MARCHF1: variants seen among roughly 807,000 people sequenced by gnomAD.
MARCHF1 encodes the protein membrane associated ring-CH-type finger 1, also known as E3 ubiquitin-protein ligase MARCHF1.
Under a neutral mutation model 54.2 loss-of-function variants are expected in MARCHF1, and 40 were observed. That is an observed-to-expected ratio of 0.74 (90% CI 0.57 to 0.96). MARCHF1 has a LOEUF of 0.96. MARCHF1 is among the 40% of genes least tolerant of loss of function. MARCHF1 has a pLI of 0.00. For missense variants in MARCHF1, 586 were observed against 656.5 expected, an observed-to-expected ratio of 0.89 and a Z score of 1.17; for synonymous variants, 236 against 236.3, an observed-to-expected ratio of 1.00 and a Z score of 0.01.
At chr4:164,237,873 C>A (rs527473559) in intron 1 of MARCHF1, among the ~76,000 whole-genome samples, 27 of 151,904 alleles carry the variant, frequency 1.8e-4, no homozygotes, top group African/African-American at 6.5e-4. Flanking sequence ...AACCTACTAT[C>A]TGTATTAACA....
intron 8 of MARCHF1, among the ~76,000 whole-genome samples, chr4:163,556,549 TTGA>T (rs1440908247): frequency 3.9e-5 from 5 of 126,594 alleles, no homozygotes; most frequent in African/African-American, 1.0e-4. Flanking sequence ...TGTAATTGAG[TTGA>T]TTTTTTTTTT....
intron 4 of MARCHF1, among the ~76,000 whole-genome samples, chr4:163,707,970 G>C (rs1035764866): frequency 1.3e-5 from 2 of 151,728 alleles, no homozygotes; most frequent in African/African-American, 4.8e-5. Flanking sequence ...GGCACAGAGG[G>C]GGGCCACAGG....
intron 2 of MARCHF1, among the ~76,000 whole-genome samples, chr4:164,102,644 C>G (rs1255048319): frequency 6.6e-6 from 1 of 151,678 alleles, no homozygotes. Flanking sequence ...CAACCGGCAC[C>G]AGCCGCTGCA....
chr4:164,076,395 A>C (rs1285527745), intron 2 of MARCHF1, among the ~76,000 whole-genome samples: 1 of 152,210 alleles, frequency 6.6e-6, no homozygotes, highest in East Asian at 1.9e-4. Context: ...GTATCTCAAA[A>C]TAATAAGAGC....
intron 1 of MARCHF1, among the ~76,000 whole-genome samples, chr4:164,128,886 T>TACCTCCTACTAAGCCAAC (rs1756242729): frequency 6.6e-6 from 1 of 152,158 alleles, no homozygotes; most frequent in Admixed American, 6.5e-5. Flanking sequence ...CAGACTCCAA[T>TACCTCCTACTAAGCCAAC]ACCTCCTACT....
intron 1 of MARCHF1, among the ~76,000 whole-genome samples, chr4:164,305,230 C>A (rs1283549819): frequency 6.6e-6 from 1 of 152,016 alleles, no homozygotes; most frequent in Non-Finnish European, 1.5e-5. Flanking sequence ...CAAATACTAA[C>A]CAAATAAATG....
intron 1 of MARCHF1, among the ~76,000 whole-genome samples, chr4:164,232,337 G>C (rs760794039): frequency 4.6e-5 from 7 of 152,088 alleles, no homozygotes; most frequent in Non-Finnish European, 8.8e-5. Context: ...GACTGTAACT[G>C]GATGTTCTTA....
intron 4 of MARCHF1, among the ~76,000 whole-genome samples, chr4:163,792,584 A>G (rs1167115427): frequency 1.3e-5 from 2 of 152,150 alleles, no homozygotes; most frequent in Non-Finnish European, 2.9e-5. Flanking sequence ...AATCCTAACT[A>G]CTTAATTGGT....
chr4:163,940,356 C>G (rs1348903639), intron 3 of MARCHF1, among the ~76,000 whole-genome samples: 1 of 152,064 alleles, frequency 6.6e-6, no homozygotes, highest in Non-Finnish European at 1.5e-5. Context: ...TTGTACTGCA[C>G]TGGTGTTGAT....
chr4:163,712,047 C>T (rs1745123246), intron 4 of MARCHF1, among the ~76,000 whole-genome samples: 1 of 152,106 alleles, frequency 6.6e-6, no homozygotes, highest in Non-Finnish European at 1.5e-5. Flanking sequence ...AAACCACTTT[C>T]TGTATAAGAG....
chr4:164,070,100 A>C (rs1186310170), intron 2 of MARCHF1, among the ~76,000 whole-genome samples: 2 of 152,222 alleles, frequency 1.3e-5, no homozygotes, highest in Admixed American at 1.3e-4. Context: ...AACAACAGAC[A>C]CTGTGGACTA....
intron 1 of MARCHF1, among the ~76,000 whole-genome samples, chr4:164,309,281 T>TGTGC (rs934060221): frequency 2.0e-5 from 3 of 147,696 alleles, no homozygotes; most frequent in Non-Finnish European, 4.4e-5. Flanking sequence ...TGTGTGTGTG[T>TGTGC]GTGCGCGTGT....
intron 4 of MARCHF1, among the ~76,000 whole-genome samples, chr4:163,701,261 A>G (rs1319228902): frequency 6.6e-6 from 1 of 152,166 alleles, no homozygotes; most frequent in Non-Finnish European, 1.5e-5. Context: ...ATCATTAAAT[A>G]TTCTGTGCTG....
chr4:164,290,223 G>A (rs1162701212), intron 1 of MARCHF1, among the ~76,000 whole-genome samples: 1 of 151,942 alleles, frequency 6.6e-6, no homozygotes, highest in African/African-American at 2.4e-5. Context: ...ATAGTCCCCA[G>A]AGCTTGCCAG....
At chr4:163,997,738 T>G (rs1753105083) in intron 2 of MARCHF1, among the ~76,000 whole-genome samples, 1 of 151,878 alleles carries the variant, frequency 6.6e-6, no homozygotes, top group Non-Finnish European at 1.5e-5. Context: ...CTGCTGTTGA[T>G]GGTTTACCAT....
At chr4:163,538,082 T>C (rs1254736143) in intron 9 of MARCHF1, among the ~76,000 whole-genome samples, 2 of 152,314 alleles carry the variant, frequency 1.3e-5, no homozygotes, top group Non-Finnish European at 2.9e-5. Context: ...TAAAGTCTAG[T>C]GCCACCAGAA....
At chr4:164,111,890 A>G (rs1042290400) in intron 1 of MARCHF1, among the ~76,000 whole-genome samples, 5 of 151,836 alleles carry the variant, frequency 3.3e-5, no homozygotes, top group African/African-American at 4.8e-5. Context: ...ATATTTCATA[A>G]TAAGAAATAA....
At chr4:164,160,793 T>G (rs1430968) in intron 1 of MARCHF1, among the ~76,000 whole-genome samples, 1 of 151,854 alleles carries the variant, frequency 6.6e-6, no homozygotes, top group African/African-American at 2.4e-5. Flanking sequence ...ATGAAGCTTT[T>G]AAAGATTAAG....
chr4:163,954,796 C>T (rs758305789), intron 3 of MARCHF1, among the ~76,000 whole-genome samples: 3 of 152,140 alleles, frequency 2.0e-5, no homozygotes, highest in Admixed American at 6.5e-5. Flanking sequence ...ACTGGCTTCT[C>T]ACACTCAGAG....
Sources: gnomAD v4.1 joint callset for allele counts (sites outside exome capture counted in the v4.1 genomes callset) on GRCh38, gnomAD v4.1.1 for gene constraint, MANE v1.5 for transcripts, NCBI Gene and HGNC (gene_info 2026-07-23, HGNC 2026-07-21) for gene names.